The following NHSL1 variants were observed in gnomAD, a reference collection of about 807,000 sequenced individuals.
NHSL1 encodes the protein NHS-like protein 1.
In NHSL1, 48 loss-of-function variants were observed where a neutral mutation model predicts 95.0. The observed-to-expected ratio is 0.51, with a 90% confidence interval of 0.40 to 0.64. The LOEUF is 0.64. NHSL1 is among the 30% of genes least tolerant of loss of function. The pLI, the probability that NHSL1 is intolerant of heterozygous loss-of-function variation, is 0.00. For missense variants in NHSL1, 1,971 were observed against 2,077.7 expected (o/e 0.95, Z 1.00); for synonymous variants, 783 against 833.9 (o/e 0.94, Z 1.05).
upstream of NHSL1, among the ~76,000 whole-genome samples, chr6:138,575,826 G>C (rs544704512): frequency 2.6e-5 from 4 of 152,218 alleles, no homozygotes; most frequent in African/African-American, 9.6e-5. Context: ...CCACATTTTA[G>C]TTATGTGGAT....
In NHSL1 at chr6:138,462,394, A is replaced by G. The variant is rs1315052550; in HGVS notation, c.339+10912T>C. 2.0e-5 allele frequency among the ~76,000 whole-genome samples: 3 copies of G among 152,164 alleles called. No individual in the cohort carries two copies. The East Asian group carries it at 5.8e-4, about 29-fold the overall frequency. ...AACTAATCTATTCCCACAAGAACCA[A>G]TCCCATCAAGAGAGAGAGGGCAGAA... is the stretch of plus-strand genomic sequence containing the variant. On this transcript the variant is annotated intron_variant, in intron 3 of 7. Transcript: ENST00000343505.
chr6:138,560,191 G>C (rs1243797598), intron 1 of NHSL1, among the ~76,000 whole-genome samples: 1 of 152,232 alleles, frequency 6.6e-6, no homozygotes, highest in African/African-American at 2.4e-5. Context: ...GATTTCTAAA[G>C]TCAGTGGCAT....
chr6:138,519,895 G>C (rs902012022), intron 1 of NHSL1, among the ~76,000 whole-genome samples: 1 of 152,068 alleles, frequency 6.6e-6, no homozygotes, highest in African/African-American at 2.4e-5. Flanking sequence ...CCCTTAAAAA[G>C]TTGATAAAGA....
chr6:138,643,384 C>T (rs1390530071), intron 1 of NHSL1, among the ~76,000 whole-genome samples: 1 of 152,126 alleles, frequency 6.6e-6, no homozygotes, highest in African/African-American at 2.4e-5. Context: ...AACATTGACC[C>T]GTCATTATCA....
intron 1 of NHSL1, among the ~76,000 whole-genome samples, chr6:138,602,115 A>C (rs1483106533): frequency 6.6e-6 from 1 of 152,210 alleles, no homozygotes; most frequent in Non-Finnish European, 1.5e-5. Context: ...TGATATCACT[A>C]TCAATTTACT....
intron 1 of NHSL1, among the ~76,000 whole-genome samples, chr6:138,560,222 G>A (rs919091161): frequency 4.6e-5 from 7 of 152,198 alleles, no homozygotes; most frequent in Admixed American, 1.3e-4. Flanking sequence ...TGGTTACAGT[G>A]ACATAAGAAC....
At chr6:138,638,600 A>T (rs997365509) in intron 1 of NHSL1, among the ~76,000 whole-genome samples, 1 of 152,228 alleles carries the variant, frequency 6.6e-6, no homozygotes, top group Non-Finnish European at 1.5e-5. Flanking sequence ...ATCTACATCA[A>T]AAGAAAAAGA....
chr6:138,676,985 T>A (rs1389902869), intron 1 of NHSL1, among the ~76,000 whole-genome samples: 1 of 152,214 alleles, frequency 6.6e-6, no homozygotes, highest in Non-Finnish European at 1.5e-5. Context: ...ACTGTTTCAA[T>A]CATGTTTGAC....
chr6:138,681,585 T>G (rs1319176731), intron 1 of NHSL1, among the ~76,000 whole-genome samples: 2 of 152,236 alleles, frequency 1.3e-5, no homozygotes, highest in Non-Finnish European at 2.9e-5. Flanking sequence ...TGCCCTTGCC[T>G]GGATGGTGGT....
chr6:138,648,933 C>A (rs192182248), intron 1 of NHSL1, among the ~76,000 whole-genome samples: 27 of 152,172 alleles, frequency 1.8e-4, no homozygotes, highest in African/African-American at 6.5e-4. Context: ...CATATCTGAA[C>A]AGCATTAGTA....
At chr6:138,502,340 G>A (rs2128292648), upstream of NHSL1, among the ~76,000 whole-genome samples, 1 of 152,228 alleles carries the variant, frequency 6.6e-6, no homozygotes, top group East Asian at 1.9e-4. Context: ...TAATCTGCAT[G>A]CCTCAATGCT....
chr6:138,440,531 C>T (rs931046700), intron 5 of NHSL1, among the ~76,000 whole-genome samples: 6 of 151,876 alleles, frequency 4.0e-5, no homozygotes, highest in African/African-American at 7.3e-5. Context: ...GGGCAAACAC[C>T]TGTATACCAT....
At chr6:138,607,074 A>G (rs1562389870) in intron 1 of NHSL1, among the ~76,000 whole-genome samples, 1 of 152,222 alleles carries the variant, frequency 6.6e-6, no homozygotes, top group East Asian at 1.9e-4. Context: ...TGCTACCATC[A>G]AAACCTATGC....
intron 4 of NHSL1, among the ~76,000 whole-genome samples, chr6:138,442,344 T>C (rs990504216): frequency 6.6e-6 from 1 of 152,206 alleles, no homozygotes; most frequent in African/African-American, 2.4e-5. Context: ...CATTTTCAAA[T>C]GAGCTGGAGT....
chr6:138,511,520 C>T (rs1781229508), intron 1 of NHSL1, among the ~76,000 whole-genome samples: 1 of 151,958 alleles, frequency 6.6e-6, no homozygotes, highest in Non-Finnish European at 1.5e-5. Context: ...CCCCTGGGCT[C>T]AAGTGATCTG....
chr6:138,474,899 A>G (rs980709173), intron 2 of NHSL1, among the ~76,000 whole-genome samples: 1 of 152,200 alleles, frequency 6.6e-6, no homozygotes, highest in Non-Finnish European at 1.5e-5. Context: ...CTTTAATCCC[A>G]GTACTTTGGG....
At chr6:138,638,291 C>T (rs1784914869) in intron 1 of NHSL1, among the ~76,000 whole-genome samples, 2 of 152,112 alleles carry the variant, frequency 1.3e-5, no homozygotes, top group South Asian at 4.2e-4. Context: ...GACAGCACAA[C>T]AGAGTGACTA....
At position 138,422,689 on chromosome 6, in the gene NHSL1, G is replaced by A. The variant is rs988692816; in HGVS notation, c.*1392C>T. 5.3e-5 allele frequency: 8 copies of A among 152,202 alleles called. No homozygotes were observed. The highest frequency in any genetic ancestry group is 1.9e-4 in the East Asian group (1 of 5,204). 9.4% of individuals were successfully genotyped at this position (152,202 alleles called of 1,614,324 possible). On this transcript the variant is annotated 3_prime_UTR_variant, in exon 8 of 8. Transcript: ENST00000343505. ...ACATTAAAATAAAGACTTCACACACGTGTGTCCCATGTCTAAAATTGTTGA... is the reference window on the plus strand; with the variant it reads ...ACATTAAAATAAAGACTTCACACACATGTGTCCCATGTCTAAAATTGTTGA...
intron 1 of NHSL1, among the ~76,000 whole-genome samples, chr6:138,567,212 C>T (rs151035495): frequency 1.3e-5 from 2 of 151,676 alleles, no homozygotes; most frequent in Admixed American, 1.3e-4. Context: ...ACTGCAGACT[C>T]GACCTCCCAG....
Sources: gnomAD v4.1 joint callset for allele counts (sites outside exome capture counted in the v4.1 genomes callset) on GRCh38, gnomAD v4.1.1 for gene constraint, MANE v1.5 for transcripts, NCBI Gene and HGNC (gene_info 2026-07-23, HGNC 2026-07-21) for gene names.